ROR1: variants seen among roughly 807,000 people sequenced by gnomAD.
The protein encoded by ROR1 is inactive tyrosine-protein kinase transmembrane receptor ROR1.
In ROR1, 19 loss-of-function variants were observed where a neutral mutation model predicts 78.8. The ratio of observed to expected loss-of-function variants is 0.24; its 90% CI spans 0.17 to 0.35. ROR1 has a LOEUF of 0.35. ROR1 is among the 10% of genes least tolerant of loss of function. The pLI, the probability that ROR1 is intolerant of heterozygous loss-of-function variation, is 1.00. For missense variants in ROR1, 917 were observed against 1,177.8 expected (o/e 0.78, Z 3.24); for synonymous variants, 386 against 433.6 (o/e 0.89, Z 1.36).
At chr1:63,904,118 T>C (rs567534958) in intron 1 of ROR1, among the ~76,000 whole-genome samples, 11 of 152,200 alleles carry the variant, frequency 7.2e-5, no homozygotes, top group Admixed American at 3.9e-4. Context: ...GGGAGCCCCA[T>C]GATGGAGCTG....
intron 2 of ROR1, among the ~76,000 whole-genome samples, chr1:64,043,277 C>T (rs1278293513): frequency 1.3e-5 from 2 of 152,192 alleles, no homozygotes; most frequent in Non-Finnish European, 2.9e-5. Flanking sequence ...AATGGGGTGT[C>T]TCCAAAGCTA....
At chr1:63,918,893 T>C (rs151292670) in intron 1 of ROR1, among the ~76,000 whole-genome samples, 43 of 152,292 alleles carry the variant, frequency 2.8e-4, no homozygotes, top group African/African-American at 9.9e-4. Flanking sequence ...CGCGAGACAA[T>C]GACCAGCATG....
chr1:64,143,194 CTGT>C, intron 7 of ROR1: 3 of 989,778 alleles, frequency 3.0e-6, no homozygotes, highest in Non-Finnish European at 2.4e-6. Context: ...AGTCAGTTAA[CTGT>C]TCCTTTTTCT....
intron 4 of ROR1, among the ~76,000 whole-genome samples, chr1:64,066,968 CAT>C (rs1646961044): frequency 6.6e-6 from 1 of 151,958 alleles, no homozygotes; most frequent in Admixed American, 6.6e-5. Flanking sequence ...TGGAATATCT[CAT>C]ATTTTTTTTT....
At chr1:64,051,407 G>A (rs1460829538) in intron 4 of ROR1, among the ~76,000 whole-genome samples, 1 of 150,760 alleles carries the variant, frequency 6.6e-6, no homozygotes, top group East Asian at 2.0e-4. Flanking sequence ...CCCAGATGGC[G>A]CCACTGCACT....
intron 1 of ROR1, among the ~76,000 whole-genome samples, chr1:63,878,886 T>C (rs1645305884): frequency 1.3e-5 from 2 of 152,176 alleles, no homozygotes; most frequent in African/African-American, 2.4e-5. Context: ...TGTTCAGTCC[T>C]CATGGTATAT....
intron 7 of ROR1, among the ~76,000 whole-genome samples, chr1:64,147,105 C>T (rs906754988): frequency 6.6e-6 from 1 of 152,140 alleles, no homozygotes; most frequent in Non-Finnish European, 1.5e-5. Flanking sequence ...TACATCATGC[C>T]GATTTCCATT....
Position 63,895,326 on chromosome 1 carries a change from T to C in ROR1, c.92-113979T>C, listed in dbSNP as rs531764999. ...TTTCTTCATTGTCTCTGTTAGACAG[T>C]GGGATATAGTATTGTCTTTAGTTTG... On this transcript the variant is annotated intron_variant, in intron 1 of 8. Coordinates refer to ENST00000371079, the MANE Select transcript of ROR1 (RefSeq NM_005012.4). 2.6e-5 allele frequency among the ~76,000 whole-genome samples: 4 copies of C among 152,278 alleles called. No homozygotes were observed. The East Asian group carries it at 5.8e-4, about 22-fold the overall frequency.
At chr1:64,175,598 C>A (rs1336870997) in intron 8 of ROR1, among the ~76,000 whole-genome samples, 1 of 152,188 alleles carries the variant, frequency 6.6e-6, no homozygotes, top group African/African-American at 2.4e-5. Context: ...ATATAAACCT[C>A]ACAAAATCTG....
intron 1 of ROR1, among the ~76,000 whole-genome samples, chr1:63,904,677 G>T (rs1002497745): frequency 3.3e-5 from 5 of 152,122 alleles, no homozygotes; most frequent in Non-Finnish European, 7.4e-5. Flanking sequence ...AGTCATTAGG[G>T]TGAGCCCTAA....
At chr1:63,942,117 C>A (rs1645845830) in intron 1 of ROR1, among the ~76,000 whole-genome samples, 1 of 152,096 alleles carries the variant, frequency 6.6e-6, no homozygotes, top group Non-Finnish European at 1.5e-5. Context: ...CTGGTGCAGA[C>A]CTGATAAATG....
intron 4 of ROR1, among the ~76,000 whole-genome samples, chr1:64,080,061 C>G (rs1397489454): frequency 6.6e-6 from 1 of 152,160 alleles, no homozygotes; most frequent in East Asian, 1.9e-4. Flanking sequence ...AGCCTCTGTT[C>G]TTACCTGATT....
In ROR1 at chr1:63,821,587, T is replaced by C. The variant is rs77064154; in HGVS notation, c.91+47079T>C. Among the ~76,000 whole-genome samples the C allele has an allele frequency of 3.4e-3, 514 of 152,314 alleles. 1 individual carries two copies. The highest frequency in any genetic ancestry group is 0.012 in the African/African-American group (490 of 41,558). On this transcript the variant is annotated intron_variant, in intron 1 of 8. Transcript: ENST00000371079. Reference sequence around the variant, plus strand: ...GGCCCAAAAGGAGAAAAATCTGTCTTCTGAAATTGAGTGCAGGTCTCTTAG... The same window carrying C: ...GGCCCAAAAGGAGAAAAATCTGTCTCCTGAAATTGAGTGCAGGTCTCTTAG...
intron 2 of ROR1, among the ~76,000 whole-genome samples, chr1:64,020,213 A>G (rs1646553774): frequency 1.3e-5 from 2 of 152,230 alleles, no homozygotes; most frequent in African/African-American, 4.8e-5. Flanking sequence ...TTAAAGTAAC[A>G]TCAGGAAACT....
At chr1:64,163,642 G>C (rs1419552958) in intron 8 of ROR1, among the ~76,000 whole-genome samples, 1 of 152,164 alleles carries the variant, frequency 6.6e-6, no homozygotes, top group African/African-American at 2.4e-5. Context: ...TCTCTTGCCA[G>C]CTTCTCTCCT....
chr1:63,931,231 G>A (rs575287751), intron 1 of ROR1, among the ~76,000 whole-genome samples: 6 of 152,284 alleles, frequency 3.9e-5, no homozygotes, highest in Middle Eastern at 3.4e-3. Context: ...GCAGTGAGCC[G>A]AGATGGCGCT....
At chr1:63,912,580 G>A (rs1645579805) in intron 1 of ROR1, among the ~76,000 whole-genome samples, 1 of 152,164 alleles carries the variant, frequency 6.6e-6, no homozygotes, top group Non-Finnish European at 1.5e-5. Context: ...AAAATACAAT[G>A]GTATGATGTT....
chr1:63,907,089 T>C (rs1645535193), intron 1 of ROR1, among the ~76,000 whole-genome samples: 1 of 152,216 alleles, frequency 6.6e-6, no homozygotes, highest in Non-Finnish European at 1.5e-5. Flanking sequence ...AATATTAAAC[T>C]GCTTAGATTA....
At chr1:63,965,796 T>C (rs1646070017) in intron 1 of ROR1, among the ~76,000 whole-genome samples, 1 of 152,206 alleles carries the variant, frequency 6.6e-6, no homozygotes, top group Non-Finnish European at 1.5e-5. Context: ...TTCAGATTAG[T>C]TGACAAAGTA....
Sources: allele counts gnomAD v4.1 joint callset (sites outside exome capture counted in the v4.1 genomes callset), GRCh38; gene constraint gnomAD v4.1.1; transcripts MANE v1.5; gene names NCBI Gene and HGNC (gene_info 2026-07-23, HGNC 2026-07-21).